Variants in PCYOX1L observed in about 807,000 individuals in gnomAD.
The protein encoded by PCYOX1L is prenylcysteine oxidase 1-like.
In PCYOX1L, 40 loss-of-function variants were observed where a neutral mutation model predicts 44.1. The ratio of observed to expected loss-of-function variants is 0.91; its 90% CI spans 0.70 to 1.18. The LOEUF is 1.18. PCYOX1L is among the 50% of genes most tolerant of loss of function. PCYOX1L has a pLI of 0.00. For missense variants in PCYOX1L, 605 were observed against 653.3 expected (o/e 0.93, Z 0.81); for synonymous variants, 266 against 282.8 (o/e 0.94, Z 0.60).
At chr5:149,362,392 T>C in intron 1 of PCYOX1L, 1 of 533,148 alleles carries the variant, frequency 1.9e-6, no homozygotes, top group South Asian at 2.3e-5. Flanking sequence ...TGCTGGTCTT[T>C]TGCTGCAAAA....
chr5:149,367,786 A>G (rs1217716027), intron 5 of PCYOX1L, among the ~76,000 whole-genome samples: 2 of 152,206 alleles, frequency 1.3e-5, no homozygotes, highest in African/African-American at 4.8e-5. Flanking sequence ...CAGCGGCGGA[A>G]GCAGAGCAGA....
chr5:149,359,906 C>A (rs777707631), intron 1 of PCYOX1L, among the ~76,000 whole-genome samples: 2 of 152,246 alleles, frequency 1.3e-5, no homozygotes, highest in Non-Finnish European at 2.9e-5. Flanking sequence ...AGGACCAAAT[C>A]TGAGAACCCC....
chr5:149,366,427 AAT>A (rs1395659235), intron 4 of PCYOX1L, among the ~76,000 whole-genome samples: 4 of 152,176 alleles, frequency 2.6e-5, no homozygotes, highest in African/African-American at 9.7e-5. Context: ...CATGTGTGTA[AAT>A]GTTAGAGCTG....
Position 149,368,111 on chromosome 5 carries a change from C to T in PCYOX1L, c.942C>T (p.Thr314=), listed in dbSNP as rs764010449. Residue 314 remains threonine, a synonymous_variant, in exon 6 of 6, where the codon ACC becomes ACT. Coordinates refer to ENST00000274569, the MANE Select transcript of PCYOX1L (RefSeq NM_024028.4). ...TGGACAACAGCAGCAGCAACTTAAC[C>T]TTTGCAGGCTTCCACCCGCCCATTG... ...LHLDNSSSNL[T]FAGFHPPIDD... The T allele has an allele frequency of 1.4e-5, 22 of 1,612,948 alleles. No individual in the cohort carries two copies. The highest frequency in any genetic ancestry group is 1.8e-5 in the Non-Finnish European group (21 of 1,179,408).
chr5:149,359,722 C>T (rs1372686227), intron 1 of PCYOX1L, among the ~76,000 whole-genome samples: 1 of 152,230 alleles, frequency 6.6e-6, no homozygotes, highest in African/African-American at 2.4e-5. Flanking sequence ...GCCCTTCTGG[C>T]CCCATCCAAG....
chr5:149,366,102 G>A lies in PCYOX1L; in HGVS notation c.631G>A (p.Ala211Thr). Reference protein sequence around the residue: ...TQRFIDDVVSAVLRASYGQSA... With the variant: ...TQRFIDDVVSTVLRASYGQSA... The stretch of plus-strand genomic sequence containing the variant: ...GCGCTTTATTGATGATGTCGTTTCT[G>A]CTGTCCTGCGGGCCAGCTATGGCCA... Residue 211 changes from alanine (A) to threonine (T), a missense_variant, in exon 4 of 6, where the codon GCT becomes ACT. Physicochemically the swap from Ala to Thr is moderately conservative, Grantham distance 58. Transcript: ENST00000274569. The A allele has an allele frequency of 6.2e-7, 1 of 1,613,998 alleles. No individual in the cohort carries two copies. Among genetic ancestry groups the A allele is most frequent in the Non-Finnish European group, 8.5e-7 (1 of 1,180,036 alleles).
intron 3 of PCYOX1L, 111 bp downstream of exon 3, chr5:149,364,321 A>T: frequency 7.4e-7 from 1 of 1,343,954 alleles, no homozygotes; most frequent in Non-Finnish European, 1.0e-6. Flanking sequence ...TGCTGAATTG[A>T]GCCAGCACAA....
At chr5:149,362,199 G>C (rs934169314) in intron 1 of PCYOX1L, 2 of 172,658 alleles carry the variant, frequency 1.2e-5, no homozygotes, top group Admixed American at 5.4e-5. Context: ...GATTTGGCCT[G>C]CAGGCTGTAG....
In PCYOX1L at chr5:149,368,308, C is replaced by T; in HGVS notation, c.1139C>T (p.Ser380Phe). Residue 380 changes from serine (S) to phenylalanine (F), a missense_variant, in exon 6 of 6, where the codon TCT becomes TTT. Coordinates refer to ENST00000274569, the MANE Select transcript of PCYOX1L (RefSeq NM_024028.4). Reference sequence around the variant, plus strand: ...GACAACATCTGCCCTGTCAACATCTCTGCCAGCTTCCGGCGAAAGCAGCCC... The same window carrying T: ...GACAACATCTGCCCTGTCAACATCTTTGCCAGCTTCCGGCGAAAGCAGCCC... ...TLDNICPVNI[S>F]ASFRRKQPQE... The T allele has an allele frequency of 4.3e-6, 7 of 1,614,254 alleles. No individual in the cohort carries two copies. Among genetic ancestry groups the T allele is most frequent in the Non-Finnish European group, 5.1e-6 (6 of 1,180,052 alleles).
Position 149,368,359 on chromosome 5 carries a change from A to T in PCYOX1L, c.1190A>T (p.Gln397Leu), listed in dbSNP as rs762872729. The T allele has an allele frequency of 6.2e-7, 1 of 1,614,180 alleles. No homozygotes were observed. Among genetic ancestry groups the T allele is most frequent in the Non-Finnish European group, 8.5e-7 (1 of 1,180,018 alleles). Residue 397 changes from glutamine (Q) to leucine (L), a missense_variant, in exon 6 of 6, where the codon CAG becomes CTG. Physicochemically the swap from Gln to Leu is moderately radical, Grantham distance 113. Transcript: ENST00000274569. ...CAGGAGGCAGCTGTTTGGCGAGTCC[A>T]GTCCCCCAAGCCCCTCTTTCGGACC... ...QPQEAAVWRV[Q>L]SPKPLFRTQL...
At position 149,364,139 on chromosome 5, in the gene PCYOX1L, C is replaced by T. The variant is rs754557216; in HGVS notation, c.399C>T (p.Leu133=). The T allele has an allele frequency of 1.2e-6, 2 of 1,614,148 alleles. No homozygotes were observed. The highest frequency in any genetic ancestry group is 8.5e-7 in the Non-Finnish European group (1 of 1,180,032). ...TDWYLLNLFR[L]WWHYGISFLR... ...GGTACCTGCTGAACCTCTTCCGCCTCTGGTGGCACTATGGCATCAGCTTCC... is the reference window on the plus strand; with the variant it reads ...GGTACCTGCTGAACCTCTTCCGCCTTTGGTGGCACTATGGCATCAGCTTCC... Residue 133 remains leucine (L), a synonymous_variant, in exon 3 of 6, where the codon CTC becomes CTT. Transcript: ENST00000274569.
chr5:149,363,855 C>T, intron 2 of PCYOX1L, 181 bp from the exon 3 acceptor site: 1 of 625,682 alleles, frequency 1.6e-6, no homozygotes, highest in East Asian at 2.9e-5. Context: ...TTTTCATTTT[C>T]ATTTTTTTAT....
intron 3 of PCYOX1L, 178 bp from the exon 4 acceptor site, chr5:149,365,764 A>G: frequency 1.6e-6 from 1 of 620,784 alleles, no homozygotes; most frequent in East Asian, 2.7e-5. Flanking sequence ...TTTAGGTGGG[A>G]CAGGCCCGCC....
At chr5:149,366,201 G>C in intron 4 of PCYOX1L, 48 bp downstream of exon 4, 1 of 1,587,126 alleles carries the variant, frequency 6.3e-7, no homozygotes, top group Non-Finnish European at 8.6e-7. Context: ...CTCCACCCAA[G>C]GTGCTCAGAA....
intron 1 of PCYOX1L, among the ~76,000 whole-genome samples, chr5:149,360,306 G>A (rs1332146339): frequency 6.6e-6 from 1 of 152,176 alleles, no homozygotes; most frequent in African/African-American, 2.4e-5. Flanking sequence ...CAATGAAGTG[G>A]TGTCTTCTGC....
rs1309748130 is a variant in PCYOX1L, at chr5:149,368,298, G to T, written c.1129G>T (p.Val377Phe). 1 of 1,614,068 alleles carries T rather than the reference G, an allele frequency of 6.2e-7. No homozygotes were observed. The highest frequency in any genetic ancestry group is 8.5e-7 in the Non-Finnish European group (1 of 1,180,042). Residue 377 changes from valine (V) to phenylalanine (F), a missense_variant, in exon 6 of 6, where the codon GTC (valine) becomes TTC (phenylalanine). Val to Phe is a conservative substitution (Grantham distance 50). Transcript: ENST00000274569. Reference sequence around the variant, plus strand: ...CTGCACTCTGGACAACATCTGCCCTGTCAACATCTCTGCCAGCTTCCGGCG... The same window carrying T: ...CTGCACTCTGGACAACATCTGCCCTTTCAACATCTCTGCCAGCTTCCGGCG... ...FFCTLDNICP[V>F]NISASFRRKQ...
intron 2 of PCYOX1L, chr5:149,363,494 A>G (rs1245938015): frequency 4.4e-6 from 1 of 227,250 alleles, no homozygotes; most frequent in Non-Finnish European, 8.8e-6. Flanking sequence ...GTATAACTAC[A>G]CAATAGGCTG....
intron 2 of PCYOX1L, chr5:149,363,603 G>A (rs185726318): frequency 2.6e-4 from 58 of 224,552 alleles, no homozygotes; most frequent in African/African-American, 1.3e-3. Flanking sequence ...GTAGTATGTG[G>A]GGGTGGGGAA....
At chr5:149,367,602 G>A in intron 5 of PCYOX1L, 102 bp downstream of exon 5, 1 of 1,486,228 alleles carries the variant, frequency 6.7e-7, no homozygotes, top group Non-Finnish European at 8.9e-7. Flanking sequence ...ATCCCCCTGG[G>A]GAGTATTTCC....
Sources: allele counts gnomAD v4.1 joint callset (sites outside exome capture counted in the v4.1 genomes callset), GRCh38; gene constraint gnomAD v4.1.1; transcripts MANE v1.5; gene names NCBI Gene and HGNC (gene_info 2026-07-23, HGNC 2026-07-21).